The following ANK1 variants were observed in gnomAD, a reference collection of about 807,000 sequenced individuals.
ANK1 encodes the protein ankyrin 1, also known as ankyrin-1.
ANK1 carries 51 observed loss-of-function variants against 210.4 expected under a neutral mutation model. The observed-to-expected ratio is 0.24, with a 90% CI of 0.19 to 0.31. The LOEUF (loss-of-function observed/expected upper bound fraction) is 0.31, where lower values mean the gene tolerates loss of function less well. Ranked by LOEUF, ANK1 falls within the 10% of genes least tolerant of loss-of-function variation. The pLI is 1.00. For synonymous variants in ANK1, 967 were observed against 1,025.9 expected, an observed-to-expected ratio of 0.94 and a Z score of 1.10; for missense variants, 2,051 against 2,504.4, an observed-to-expected ratio of 0.82 and a Z score of 3.86.
Position 41,794,323 on chromosome 8 carries a change from C to T in ANK1, c.27+3189G>A, listed in dbSNP as rs1049535556. Among the ~76,000 whole-genome samples, 9 of 152,196 alleles carry T rather than the reference C, an allele frequency of 5.9e-5. No individual in the cohort carries two copies. In the South Asian group the frequency reaches 1.2e-3, roughly 21 times the overall value. On this transcript the variant is annotated intron_variant, in intron 1 of 42. Transcript: ENST00000289734. Reference sequence around the variant, plus strand: ...CAACCACACTGGCCTCCCGGTTATTCCCATGACACACGCCTGCCTCAGGAC... The same window carrying T: ...CAACCACACTGGCCTCCCGGTTATTTCCATGACACACGCCTGCCTCAGGAC...
intron 1 of ANK1, among the ~76,000 whole-genome samples, chr8:41,811,103 G>A (rs970441942): frequency 1.1e-4 from 16 of 152,148 alleles, no homozygotes; most frequent in Admixed American, 3.9e-4. Flanking sequence ...ACATGACTCT[G>A]GGGCAGTACA....
chr8:41,832,042 C>T lies in ANK1; in HGVS notation c.126+64313G>A, dbSNP rs142578288. Among the ~76,000 whole-genome samples the T allele has an allele frequency of 1.6e-4, 24 of 152,186 alleles. 1 individual carries two copies. In the East Asian group the frequency reaches 4.4e-3, roughly 28 times the overall value. On this transcript the variant is annotated intron_variant, in intron 1 of 42. Coordinates refer to the ANK1 transcript ENST00000265709. Reference sequence around the variant, plus strand: ...CGGGGAGGATTTGCCTACTGAGGGGCAGCACAAGAGAATTTTGCGGGGCGA... The same window carrying T: ...CGGGGAGGATTTGCCTACTGAGGGGTAGCACAAGAGAATTTTGCGGGGCGA...
At chr8:41,848,609 G>C (rs1417308774) in intron 1 of ANK1, among the ~76,000 whole-genome samples, 1 of 152,164 alleles carries the variant, frequency 6.6e-6, no homozygotes, top group Non-Finnish European at 1.5e-5. Flanking sequence ...CAGAACACTG[G>C]GAGTTGGGGG....
chr8:41,696,800 TC>T, intron 24 of ANK1, 27 bp from the exon 25 acceptor site: 1 of 1,578,440 alleles, frequency 6.3e-7, no homozygotes, highest in Non-Finnish European at 8.6e-7. Context: ...GGTCCTCCTG[TC>T]CCACCTCCTC....
chr8:41,703,508 G>A (rs1279924401), intron 20 of ANK1, among the ~76,000 whole-genome samples: 2 of 141,428 alleles, frequency 1.4e-5, no homozygotes, highest in Admixed American at 1.5e-4. Context: ...TGGATGTCAA[G>A]TGGGCAACTG....
chr8:41,665,031 TC>T (rs1011944000), intron 39 of ANK1: 1 of 1,612,664 alleles, frequency 6.2e-7, no homozygotes, highest in African/African-American at 1.3e-5. Flanking sequence ...CATCCTCGCC[TC>T]CTCACCAGCC....
At chr8:41,707,806 G>C (rs1825025390) in intron 17 of ANK1, among the ~76,000 whole-genome samples, 4 of 152,132 alleles carry the variant, frequency 2.6e-5, no homozygotes. Flanking sequence ...GCCAGATTTT[G>C]TACAAAATGT....
At position 41,672,738 on chromosome 8, in the gene ANK1, GCAGACCACACCTGCATGT is replaced by G. The variant is rs767675893; in HGVS notation, c.4694_4711del (p.Asp1565_Ser1570del). Reference sequence around the variant, plus strand: ...AGTGACCAGAGAAGGCGTGAGGCCCGCAGACCACACCTGCATGTCAGACATCTCCAGCATGGTGTCATG... The same window carrying G: ...AGTGACCAGAGAAGGCGTGAGGCCCGCAGACATCTCCAGCATGGTGTCATG... On this transcript the variant is annotated inframe_deletion, in exon 38 of 43. Coordinates refer to ENST00000289734, the MANE Select transcript of ANK1 (RefSeq NM_000037.4). 21 of 1,605,286 alleles carry G rather than the reference GCAGACCACACCTGCATGT, an allele frequency of 1.3e-5. No homozygotes were observed. Among genetic ancestry groups the G allele is most frequent in the Non-Finnish European group, 1.7e-5 (20 of 1,174,268 alleles).
At chr8:41,741,249 G>C (rs943689615) in intron 2 of ANK1, among the ~76,000 whole-genome samples, 1 of 152,204 alleles carries the variant, frequency 6.6e-6, no homozygotes, top group African/African-American at 2.4e-5. Flanking sequence ...AGCGGTGAAA[G>C]CTTTGTGTCC....
intron 22 of ANK1, chr8:41,700,481 A>G: frequency 1.2e-6 from 2 of 1,612,032 alleles, no homozygotes; most frequent in Admixed American, 3.3e-5. Flanking sequence ...AGCAGAATTG[A>G]AAGAAGGACC....
chr8:41,691,591 C>T (rs761374077), intron 31 of ANK1, among the ~76,000 whole-genome samples: 12 of 152,182 alleles, frequency 7.9e-5, no homozygotes, highest in Non-Finnish European at 1.0e-4. Context: ...GACCTAGCCC[C>T]CATGCCTTCA....
chr8:41,870,199 CCA>C (rs1408796122), intron 1 of ANK1, among the ~76,000 whole-genome samples: 1 of 151,972 alleles, frequency 6.6e-6, no homozygotes, highest in South Asian at 2.1e-4. Flanking sequence ...GCAGAGAACG[CCA>C]GTCTTTACCA....
chr8:41,717,803 A>G (rs751729908), intron 11 of ANK1, 101 bp from the exon 12 acceptor site: 13 of 1,169,918 alleles, frequency 1.1e-5, no homozygotes, highest in Non-Finnish European at 1.6e-5. Context: ...ATGATTTTCC[A>G]AGAAAAGGGA....
chr8:41,668,289 T>G lies in ANK1; in HGVS notation c.5372A>C (p.Asn1791Thr), dbSNP rs201370791. The G allele has an allele frequency of 3.1e-6, 5 of 1,614,052 alleles. No homozygotes were observed. The highest frequency in any genetic ancestry group is 4.2e-6 in the Non-Finnish European group (5 of 1,180,026). The change falls in exon 39 of 43, where the codon AAC becomes ACC. Residue 1791 changes from asparagine to threonine, a missense_variant. Physicochemically the swap from Asn to Thr is moderately conservative, Grantham distance 65. Transcript: ENST00000289734. ...CACCTGCACCACTTGGGTGAAGGTGTTCTTGGCCTCCTGCACCTGCTCTTC... is the reference window on the plus strand; with the variant it reads ...CACCTGCACCACTTGGGTGAAGGTGGTCTTGGCCTCCTGCACCTGCTCTTC... ...GQEEQVQEAK[N>T]TFTQVVQGNE...
intron 37 of ANK1, among the ~76,000 whole-genome samples, chr8:41,676,834 G>T (rs1338865155): frequency 6.6e-6 from 1 of 152,150 alleles, no homozygotes; most frequent in African/African-American, 2.4e-5. Context: ...CAGTTTTCTT[G>T]TTAATTGTCT....
At position 41,725,680 on chromosome 8, in the gene ANK1, G is replaced by A. The variant is rs556866514; in HGVS notation, c.612+81C>T. On this transcript the variant is annotated intron_variant, in intron 6 of 42. Transcript: ENST00000289734. ...CCTGCACGCTCGGTTCTCCTGCCTG[G>A]GAAGTCGCTGGGCGTGCGCGGTGCC... The A allele has an allele frequency of 1.4e-4, 213 of 1,535,144 alleles. 1 individual carries two copies. Among genetic ancestry groups the A allele is most frequent in the Admixed American group, 1.4e-3 (72 of 52,542 alleles).
At chr8:41,727,196 G>A in intron 5 of ANK1, 54 bp downstream of exon 5, 1 of 1,424,434 alleles carries the variant, frequency 7.0e-7, no homozygotes, top group South Asian at 1.2e-5. Flanking sequence ...CCTGAAGCAA[G>A]GTTGTACACC....
intron 1 of ANK1, among the ~76,000 whole-genome samples, chr8:41,877,940 G>T (rs916537982): frequency 2.0e-5 from 3 of 152,228 alleles, no homozygotes; most frequent in African/African-American, 7.2e-5. Context: ...AGGGAGGACA[G>T]GGACAGGAGG....
chr8:41,676,934 CTTAAATGT>C (rs1185156124), intron 37 of ANK1, among the ~76,000 whole-genome samples: 4 of 152,266 alleles, frequency 2.6e-5, no homozygotes, highest in Admixed American at 6.5e-5. Context: ...TTGTTTCTTC[CTTAAATGT>C]TTGGTAGAAT....
Sources: gnomAD v4.1 joint callset for allele counts (sites outside exome capture counted in the v4.1 genomes callset) on GRCh38, gnomAD v4.1.1 for gene constraint, MANE v1.5 for transcripts, NCBI Gene and HGNC (gene_info 2026-07-23, HGNC 2026-07-21) for gene names.